Variants in EPHA6 observed in about 807,000 individuals in gnomAD.
EPHA6 encodes ephrin type-A receptor 6.
EPHA6 carries 50 observed loss-of-function variants against 112.0 expected under a neutral mutation model. That is an observed-to-expected ratio of 0.45 (90% confidence interval 0.36 to 0.56). The LOEUF (loss-of-function observed/expected upper bound fraction) is 0.56. Ranked by LOEUF, EPHA6 falls within the 20% of genes least tolerant of loss-of-function variation. The pLI is 0.00. For synonymous variants in EPHA6, 529 were observed against 490.7 expected (o/e 1.08, Z -1.03); for missense variants, 1,280 against 1,417.4 (o/e 0.90, Z 1.56).
Position 97,601,910 on chromosome 3 carries a change from G to A in EPHA6, c.2513-8883G>A, listed in dbSNP as rs1001731547. On this transcript the variant is annotated intron_variant, in intron 12 of 17. Transcript: ENST00000389672. ...TGACAGTGAATGATACAGAAAAGCC[G>A]AAAGCAAAATATTTGAACATTTATT... Among the ~76,000 whole-genome samples the A allele has an allele frequency of 4.6e-5, 7 of 151,992 alleles. No homozygotes were observed. In the South Asian group the frequency reaches 1.0e-3, roughly 23 times the overall value.
intron 2 of EPHA6, among the ~76,000 whole-genome samples, chr3:96,894,967 A>G (rs970834340): frequency 1.3e-5 from 2 of 152,218 alleles, no homozygotes; most frequent in African/African-American, 4.8e-5. Context: ...AATAGAGAAG[A>G]ATGTTCATGG....
chr3:97,748,525 CT>C lies in EPHA6; in HGVS notation c.3279-61del, dbSNP rs2035807185. 3 of 780,270 alleles carry C rather than the reference CT, an allele frequency of 3.8e-6. No individual in the cohort carries two copies. In the East Asian group the frequency reaches 8.0e-5, roughly 21 times the overall value. The allele number at this position is 780,270 out of a possible 1,614,324, so 48.3% of individuals were successfully genotyped here. On this transcript the variant is annotated intron_variant, in intron 17 of 17. Transcript: ENST00000389672. Reference sequence around the variant, plus strand: ...GAATGTTCATATTCTGTATCTCTCTCTCTCTCTCTCTCTTTCTTGCTCTCAC... The same window carrying C: ...GAATGTTCATATTCTGTATCTCTCTCCTCTCTCTCTCTTTCTTGCTCTCAC...
chr3:96,968,197 A>G (rs925113336), intron 2 of EPHA6, among the ~76,000 whole-genome samples: 4 of 151,742 alleles, frequency 2.6e-5, no homozygotes, highest in Non-Finnish European at 4.4e-5. Flanking sequence ...TAGATCATTT[A>G]AGTGTACTGA....
chr3:97,223,687 G>A (rs538151159), intron 3 of EPHA6, among the ~76,000 whole-genome samples: 5 of 152,146 alleles, frequency 3.3e-5, no homozygotes, highest in African/African-American at 4.8e-5. Context: ...CATGTTTTAA[G>A]GAGATCATCA....
chr3:96,929,387 T>C lies in EPHA6; in HGVS notation c.451-57943T>C, dbSNP rs182589712. 5.9e-5 allele frequency among the ~76,000 whole-genome samples: 9 copies of C among 152,332 alleles called. No individual in the cohort carries two copies. The East Asian group carries it at 1.7e-3, about 29-fold the overall frequency. ...GGCTGCTAATGGTTTTTCCTTTCCG[T>C]ATTTAGTGCTTCCTTCAGGAGCCCT... On this transcript the variant is annotated intron_variant, in intron 2 of 17. Transcript: ENST00000389672.
At chr3:97,701,530 C>T (rs1314114327) in intron 14 of EPHA6, among the ~76,000 whole-genome samples, 1 of 151,938 alleles carries the variant, frequency 6.6e-6, no homozygotes, top group Admixed American at 6.6e-5. Flanking sequence ...ACATATTTTG[C>T]ATTAACAACT....
intron 14 of EPHA6, among the ~76,000 whole-genome samples, chr3:97,686,070 C>A (rs943130145): frequency 1.3e-5 from 2 of 152,036 alleles, no homozygotes; most frequent in African/African-American, 4.8e-5. Context: ...AACAATATAG[C>A]TTAAACTCTC....
chr3:97,018,032 C>T lies in EPHA6; in HGVS notation c.1114+30039C>T, dbSNP rs570117397. On this transcript the variant is annotated intron_variant, in intron 3 of 17. Transcript: ENST00000389672. ...TATTTTCACATAGCCTACCTTCAACCTCACTAATCCTTCTTCTGCTTGATC... is the reference window on the plus strand; with the variant it reads ...TATTTTCACATAGCCTACCTTCAACTTCACTAATCCTTCTTCTGCTTGATC... Among the ~76,000 whole-genome samples the T allele has an allele frequency of 2.9e-3, 445 of 151,202 alleles. 2 individuals are homozygous for T. The highest frequency in any genetic ancestry group is 0.01 in the African/African-American group (421 of 41,194).
Position 97,255,339 on chromosome 3 carries a change from C to A in EPHA6, c.1606+11052C>A, listed in dbSNP as rs567761854. ...AGTGCTTTCACCATGGTCATTCTGG[C>A]AACAGTAATGGTTCCTCCAGGGAAC... On this transcript the variant is annotated intron_variant, in intron 5 of 17. Transcript: ENST00000389672. 1.6e-4 allele frequency among the ~76,000 whole-genome samples: 25 copies of A among 152,166 alleles called. 1 individual carries two copies. In the East Asian group the frequency reaches 4.6e-3, roughly 28 times the overall value.
intron 10 of EPHA6, among the ~76,000 whole-genome samples, chr3:97,526,976 C>T (rs2092630187): frequency 6.6e-6 from 1 of 152,086 alleles, no homozygotes; most frequent in Non-Finnish European, 1.5e-5. Flanking sequence ...ACAGAGGCTG[C>T]AAGTCTGTCC....
Position 96,833,822 on chromosome 3 carries a change from C to A in EPHA6, c.385+18814C>A, listed in dbSNP as rs141527641. 1.6e-3 allele frequency among the ~76,000 whole-genome samples: 242 copies of A among 151,918 alleles called. 1 individual carries two copies. Among genetic ancestry groups the A allele is most frequent in the African/African-American group, 5.6e-3 (233 of 41,460 alleles). The stretch of plus-strand genomic sequence containing the variant: ...CCACTGTTAGTTATTTTAAAATATG[C>A]AATAAGTTATTGTTAACTGTAGTCA... On this transcript the variant is annotated intron_variant, in intron 1 of 17. Transcript: ENST00000389672.
At chr3:97,028,543 T>C (rs1252909932) in intron 3 of EPHA6, among the ~76,000 whole-genome samples, 1 of 152,072 alleles carries the variant, frequency 6.6e-6, no homozygotes, top group Non-Finnish European at 1.5e-5. Flanking sequence ...TTTCTCTTTC[T>C]CTTTCCAAGG....
intron 5 of EPHA6, among the ~76,000 whole-genome samples, chr3:97,367,292 G>A (rs1354568716): frequency 6.6e-6 from 1 of 151,972 alleles, no homozygotes; most frequent in Non-Finnish European, 1.5e-5. Flanking sequence ...AGAGAATAAA[G>A]TAGCCCCCTA....
chr3:97,471,568 A>G (rs559231114), intron 7 of EPHA6, among the ~76,000 whole-genome samples: 1 of 151,820 alleles, frequency 6.6e-6, no homozygotes, highest in South Asian at 2.1e-4. Flanking sequence ...TGAATTCCCT[A>G]GTAGCTTCTA....
In EPHA6 at chr3:97,544,872, T is replaced by C. The variant is rs532270335; in HGVS notation, c.2386+12329T>C. On this transcript the variant is annotated intron_variant, in intron 11 of 17. Transcript: ENST00000389672. ...CATTTCTTCTAGATTTTCTAGTTTA[T>C]TTGCATAGAGGTGTTTATAGTATTC... Among the ~76,000 whole-genome samples the C allele has an allele frequency of 9.3e-3, 1,416 of 152,330 alleles. 21 individuals carry two copies. Among genetic ancestry groups the C allele is most frequent in the South Asian group, 0.015 (70 of 4,824 alleles).
intron 3 of EPHA6, among the ~76,000 whole-genome samples, chr3:97,101,224 T>C (rs541706976): frequency 2.0e-5 from 3 of 152,114 alleles, no homozygotes; most frequent in South Asian, 4.1e-4. Context: ...ATGAATTAAT[T>C]AGAACATATT....
rs902177787 is a variant in EPHA6 at position 97,347,344 on chromosome 3, T to A, written c.1607-57806T>A. 1.0e-3 allele frequency among the ~76,000 whole-genome samples: 157 copies of A among 152,272 alleles called. 1 individual carries two copies. The highest frequency in any genetic ancestry group is 3.6e-3 in the African/African-American group (148 of 41,578). ...ATTCACCTTATCAATTGATACTAAC[T>A]TTTCTTAGATATAAAATACACAAAC... On this transcript the variant is annotated intron_variant, in intron 5 of 17. Transcript: ENST00000389672.
At chr3:97,176,908 T>C (rs1364648714) in intron 3 of EPHA6, among the ~76,000 whole-genome samples, 1 of 151,796 alleles carries the variant, frequency 6.6e-6, no homozygotes, top group Non-Finnish European at 1.5e-5. Context: ...GTGATCTTTA[T>C]TGTTTCTTCT....
chr3:97,365,668 G>A (rs563561965), intron 5 of EPHA6, among the ~76,000 whole-genome samples: 2 of 152,086 alleles, frequency 1.3e-5, no homozygotes, highest in Non-Finnish European at 2.9e-5. Context: ...GATTACAGGC[G>A]TCAGCCACCG....
Sources: gnomAD v4.1 joint callset for allele counts (sites outside exome capture counted in the v4.1 genomes callset) on GRCh38, gnomAD v4.1.1 for gene constraint, MANE v1.5 for transcripts, NCBI Gene and HGNC (gene_info 2026-07-23, HGNC 2026-07-21) for gene names.